Variants in PHACTR3 observed in about 807,000 individuals in gnomAD.
The protein encoded by PHACTR3 is phosphatase and actin regulator 3, also known as protein phosphatase 1, regulatory subunit 123.
PHACTR3 carries 16 observed loss-of-function variants against 66.8 expected under a neutral mutation model. The observed-to-expected ratio is 0.24, with a 90% CI of 0.16 to 0.36. PHACTR3 has a LOEUF of 0.36. PHACTR3 is among the 10% of genes least tolerant of loss of function. The pLI is 1.00. For missense variants in PHACTR3, 647 were observed against 719.9 expected (o/e 0.90, Z 1.16); for synonymous variants, 323 against 292.1 (o/e 1.11, Z -1.08).
intron 1 of PHACTR3, among the ~76,000 whole-genome samples, chr20:59,652,379 G>C (rs773373185): frequency 2.4e-4 from 36 of 152,036 alleles, no homozygotes; most frequent in Non-Finnish European, 4.3e-4. Context: ...CCCCATCTCT[G>C]AAAAACAAAA....
At chr20:59,759,652 T>C (rs895591737) in intron 4 of PHACTR3, among the ~76,000 whole-genome samples, 1 of 152,150 alleles carries the variant, frequency 6.6e-6, no homozygotes, top group Admixed American at 6.5e-5. Flanking sequence ...TGGTCCTAGG[T>C]CTCCGGTTTC....
intron 11 of PHACTR3, among the ~76,000 whole-genome samples, chr20:59,842,484 T>C (rs1039806258): frequency 3.3e-5 from 5 of 152,130 alleles, no homozygotes; most frequent in Non-Finnish European, 5.9e-5. Flanking sequence ...TCTTTGGTGG[T>C]CTGCAGATGT....
intron 1 of PHACTR3, among the ~76,000 whole-genome samples, chr20:59,627,486 C>T (rs1037317810): frequency 2.0e-5 from 3 of 152,120 alleles, no homozygotes; most frequent in Non-Finnish European, 4.4e-5. Flanking sequence ...GAGGTTCTGG[C>T]GGCAATGGGG....
In PHACTR3 at chr20:59,616,526, G is replaced by A. The variant is rs921787433; in HGVS notation, c.118+11394G>A. 2.5e-4 allele frequency among the ~76,000 whole-genome samples: 38 copies of A among 152,206 alleles called. 1 individual carries two copies. The highest frequency in any genetic ancestry group is 8.9e-4 in the African/African-American group (37 of 41,452). ...CTGCTGGCATGCACCGGGAAGCTCC[G>A]CTCAAGGCGTTGCCCCCTGATTTCC... is the stretch of plus-strand genomic sequence containing the variant. On this transcript the variant is annotated intron_variant, in intron 1 of 12. Coordinates refer to ENST00000371015, the MANE Select transcript of PHACTR3 (RefSeq NM_080672.5).
rs960347282 is a variant in PHACTR3, at chr20:59,736,696, C to A, written c.119-6411C>A. Among the ~76,000 whole-genome samples the A allele has an allele frequency of 6.6e-6, 1 of 152,214 alleles. No homozygotes were observed. Among genetic ancestry groups the A allele is most frequent in the Non-Finnish European group, 1.5e-5 (1 of 68,040 alleles). Reference sequence around the variant, plus strand: ...ATGACCACACCTGCCCCGCTGTACACCTGCAGTGATGGGCTCATGTCCTCT... The same window carrying A: ...ATGACCACACCTGCCCCGCTGTACAACTGCAGTGATGGGCTCATGTCCTCT... On this transcript the variant is annotated intron_variant, in intron 1 of 12. Transcript: ENST00000371015. This position sits in a 1 kb window ranked among gnomAD's most constrained non-coding sequence, Gnocchi z 4.6.
chr20:59,641,759 A>T (rs2035109924), intron 1 of PHACTR3, among the ~76,000 whole-genome samples: 1 of 152,216 alleles, frequency 6.6e-6, no homozygotes, highest in South Asian at 2.1e-4. Context: ...TGTATATATA[A>T]TATATAATTA....
rs142036540 is a variant in PHACTR3, at chr20:59,687,630, G to T, written c.119-55477G>T. Among the ~76,000 whole-genome samples the T allele has an allele frequency of 2.3e-3, 352 of 152,182 alleles. 2 individuals carry two copies. Among genetic ancestry groups the T allele is most frequent in the African/African-American group, 8.1e-3 (335 of 41,512 alleles). ...GCTTTTCACACCCTCTGTAAAATAG[G>T]ACCCATTTAAAAATTTTCAATCTGT... On this transcript the variant is annotated intron_variant, in intron 1 of 12. Transcript: ENST00000371015.
chr20:59,710,491 T>G (rs757920982), intron 1 of PHACTR3, among the ~76,000 whole-genome samples: 2 of 152,180 alleles, frequency 1.3e-5, no homozygotes, highest in Non-Finnish European at 2.9e-5. Context: ...AGCAGCGAGT[T>G]CACTGGCTAG....
At chr20:59,586,784 C>A (rs2033042531) in intron 1 of PHACTR3, among the ~76,000 whole-genome samples, 1 of 152,154 alleles carries the variant, frequency 6.6e-6, no homozygotes, top group East Asian at 1.9e-4. Context: ...ATCTACACAT[C>A]TCTGTGGGAG....
intron 1 of PHACTR3, among the ~76,000 whole-genome samples, chr20:59,614,381 G>T (rs1207045716): frequency 6.6e-6 from 1 of 152,228 alleles, no homozygotes; most frequent in African/African-American, 2.4e-5. Flanking sequence ...CAGGCAAGGC[G>T]ATGGCAGAGA....
intron 1 of PHACTR3, among the ~76,000 whole-genome samples, chr20:59,585,699 G>A (rs1210830403): frequency 6.6e-6 from 1 of 152,210 alleles, no homozygotes; most frequent in African/African-American, 2.4e-5. Context: ...ATGATGGGGA[G>A]GCGATGGTGG....
chr20:59,762,176 G>T (rs2040014826), intron 4 of PHACTR3, among the ~76,000 whole-genome samples: 5 of 152,224 alleles, frequency 3.3e-5, no homozygotes, highest in Admixed American at 3.3e-4. Flanking sequence ...GGTGAGGATG[G>T]ATGTTTTGGG....
intron 1 of PHACTR3, among the ~76,000 whole-genome samples, chr20:59,678,708 G>C (rs1568702116): frequency 6.6e-6 from 1 of 152,148 alleles, no homozygotes; most frequent in East Asian, 1.9e-4. Context: ...TTATTATTCA[G>C]GGGGAAAGTT....
At chr20:59,671,091 T>C (rs975459946) in intron 1 of PHACTR3, among the ~76,000 whole-genome samples, 2 of 152,190 alleles carry the variant, frequency 1.3e-5, no homozygotes, top group African/African-American at 4.8e-5. Flanking sequence ...ACCATGTGGT[T>C]CTCCTTCTGT....
chr20:59,697,337 A>C (rs2037335768), intron 1 of PHACTR3, among the ~76,000 whole-genome samples: 1 of 152,216 alleles, frequency 6.6e-6, no homozygotes, highest in Non-Finnish European at 1.5e-5. Flanking sequence ...CTGAATTCAG[A>C]GGCCTCACAG....
At chr20:59,788,179 C>T (rs1418105422) in intron 7 of PHACTR3, among the ~76,000 whole-genome samples, 2 of 152,206 alleles carry the variant, frequency 1.3e-5, no homozygotes, top group Non-Finnish European at 2.9e-5. Context: ...GCTTAGCTCC[C>T]ACACATAAGT....
chr20:59,632,788 A>G (rs558029187), intron 1 of PHACTR3, among the ~76,000 whole-genome samples: 1 of 152,206 alleles, frequency 6.6e-6, no homozygotes, highest in African/African-American at 2.4e-5. Context: ...GCAAATGCCC[A>G]CCTACTTCCC....
At chr20:59,715,783 C>T (rs181799514) in intron 1 of PHACTR3, among the ~76,000 whole-genome samples, 10 of 151,792 alleles carry the variant, frequency 6.6e-5, no homozygotes, top group African/African-American at 1.9e-4. Context: ...ACATCCTTTA[C>T]GTGAGGTTCC....
chr20:59,701,909 G>A (rs1302133749), intron 1 of PHACTR3, among the ~76,000 whole-genome samples: 1 of 152,214 alleles, frequency 6.6e-6, no homozygotes, highest in East Asian at 1.9e-4. Context: ...TCTTTTGGTT[G>A]TCACTATGGT....
Sources: gnomAD v4.1 joint callset for allele counts (sites outside exome capture counted in the v4.1 genomes callset) on GRCh38, gnomAD v4.1.1 for gene constraint, Gnocchi (gnomAD v3.1) non-coding constraint, MANE v1.5 for transcripts, NCBI Gene and HGNC (gene_info 2026-07-23, HGNC 2026-07-21) for gene names.